Variants in RALGAPA2 observed in about 807,000 individuals in gnomAD.
The protein encoded by RALGAPA2 is ral GTPase-activating protein subunit alpha-2.
RALGAPA2 carries 139 observed loss-of-function variants against 230.4 expected under a neutral mutation model. The ratio of observed to expected loss-of-function variants is 0.60; its 90% confidence interval spans 0.53 to 0.69. The LOEUF is 0.69. Ranked by LOEUF, RALGAPA2 falls within the 30% of genes least tolerant of loss-of-function variation. The pLI, the probability that RALGAPA2 is intolerant of heterozygous loss-of-function variation, is 0.00. For synonymous variants in RALGAPA2, 847 were observed against 837.8 expected (o/e 1.01, Z -0.19); for missense variants, 2,163 against 2,276.0 (o/e 0.95, Z 1.01).
chr20:20,630,905 TC>T (rs1302148661), intron 9 of RALGAPA2, among the ~76,000 whole-genome samples: 1 of 151,518 alleles, frequency 6.6e-6, no homozygotes, highest in Non-Finnish European at 1.5e-5. Context: ...ACTCCCATTT[TC>T]CCCACAAACT....
intron 37 of RALGAPA2, among the ~76,000 whole-genome samples, chr20:20,415,322 CA>C: frequency 6.6e-6 from 1 of 152,344 alleles, no homozygotes; most frequent in African/African-American, 2.4e-5. Flanking sequence ...CTGAAAGAGG[CA>C]CCAGGTCACC....
chr20:20,628,956 C>T (rs2066580374), intron 10 of RALGAPA2, among the ~76,000 whole-genome samples: 1 of 152,172 alleles, frequency 6.6e-6, no homozygotes, highest in Non-Finnish European at 1.5e-5. Context: ...TTGCAGAAAC[C>T]TCCAGCTCCT....
chr20:20,654,595 A>G (rs1274385228), intron 3 of RALGAPA2, among the ~76,000 whole-genome samples: 1 of 152,230 alleles, frequency 6.6e-6, no homozygotes, highest in African/African-American at 2.4e-5. Flanking sequence ...AAGGCTGAAT[A>G]GTATTTCACT....
intron 16 of RALGAPA2, among the ~76,000 whole-genome samples, chr20:20,597,879 C>T (rs2065508850): frequency 6.6e-6 from 1 of 152,014 alleles, no homozygotes. Context: ...TACTAATCTA[C>T]AACGCCAAAT....
rs570110268 is a variant in RALGAPA2, at chr20:20,565,232, A to T, written c.3156+6226T>A. 3.1e-4 allele frequency among the ~76,000 whole-genome samples: 47 copies of T among 152,334 alleles called. 2 individuals carry two copies. The highest frequency in any genetic ancestry group is 2.9e-3 in the Admixed American group (45 of 15,294). On this transcript the variant is annotated intron_variant, in intron 23 of 39. Transcript: ENST00000202677. ...AATTCTTTACCTTTCCTGGAACTGAATACTCACTTATGTTTCACCTTAAAT... is the reference window on the plus strand; with the variant it reads ...AATTCTTTACCTTTCCTGGAACTGATTACTCACTTATGTTTCACCTTAAAT...
rs1418596180 is a variant in RALGAPA2, at chr20:20,531,819, G to A, written c.3474-24C>T. 4.0e-6 allele frequency: 6 copies of A among 1,513,088 alleles called. No homozygotes were observed. In the African/African-American group the frequency reaches 6.9e-5, roughly 17 times the overall value. The allele number at this position is 1,513,088 out of a possible 1,614,324, so 93.7% of individuals were successfully genotyped here. On this transcript the variant is annotated intron_variant, in intron 26 of 39. Coordinates refer to ENST00000202677, the MANE Select transcript of RALGAPA2 (RefSeq NM_020343.4). The stretch of plus-strand genomic sequence containing the variant: ...ATCTTTTTAAAAAGAAGAAAACAGA[G>A]GAAAACTCTCATGAAACTTAATATA...
chr20:20,465,535 A>G (rs2123326771), intron 37 of RALGAPA2, among the ~76,000 whole-genome samples: 1 of 152,264 alleles, frequency 6.6e-6, no homozygotes, highest in South Asian at 2.1e-4. Context: ...AGAGAGAAAG[A>G]AGGAAGAATG....
intron 37 of RALGAPA2, among the ~76,000 whole-genome samples, chr20:20,469,836 A>G (rs2061499969): frequency 6.6e-6 from 1 of 152,206 alleles, no homozygotes. Context: ...GCACAGGAAT[A>G]GGCTCTTTGA....
intron 37 of RALGAPA2, among the ~76,000 whole-genome samples, chr20:20,469,211 C>T (rs988693406): frequency 6.6e-6 from 1 of 152,076 alleles, no homozygotes; most frequent in Non-Finnish European, 1.5e-5. Flanking sequence ...CACATGGTAC[C>T]ATTTGACTTA....
At chr20:20,451,236 G>T (rs1308293544) in intron 37 of RALGAPA2, among the ~76,000 whole-genome samples, 7 of 152,138 alleles carry the variant, frequency 4.6e-5, no homozygotes, top group Non-Finnish European at 1.0e-4. Context: ...CATTTTCAGA[G>T]AATAGAATGC....
At chr20:20,434,678 G>A (rs1436499183) in intron 37 of RALGAPA2, among the ~76,000 whole-genome samples, 4 of 152,252 alleles carry the variant, frequency 2.6e-5, no homozygotes, top group Admixed American at 1.3e-4. Flanking sequence ...GCTCATGCAT[G>A]TAATCCCAGC....
intron 23 of RALGAPA2, among the ~76,000 whole-genome samples, chr20:20,571,198 G>A (rs1245693812): frequency 1.3e-5 from 2 of 152,154 alleles, no homozygotes; most frequent in Non-Finnish European, 2.9e-5. Flanking sequence ...ACAGGCAGAG[G>A]TTAGATCATA....
intron 1 of RALGAPA2, among the ~76,000 whole-genome samples, chr20:20,697,296 C>CT (rs752243604): frequency 4.5e-4 from 69 of 152,180 alleles, no homozygotes; most frequent in Admixed American, 3.4e-3. Context: ...CACCACTGCA[C>CT]TCCAGCCTGG....
Position 20,442,194 on chromosome 20 carries a change from C to A in RALGAPA2, c.5496-30046G>T, listed in dbSNP as rs1261976294. On this transcript the variant is annotated intron_variant, in intron 37 of 39. Transcript: ENST00000202677. Reference sequence around the variant, plus strand: ...CTTCTCTCTGTGCTTTCGCTTCTTTCTTGCAAAATGGGACAACAACCCTAC... The same window carrying A: ...CTTCTCTCTGTGCTTTCGCTTCTTTATTGCAAAATGGGACAACAACCCTAC... Among the ~76,000 whole-genome samples the A allele has an allele frequency of 2.0e-5, 3 of 152,214 alleles. No homozygotes were observed. In the East Asian group the frequency reaches 5.8e-4, roughly 29 times the overall value.
chr20:20,450,562 C>T (rs920144262), intron 37 of RALGAPA2, among the ~76,000 whole-genome samples: 59 of 152,216 alleles, frequency 3.9e-4, no homozygotes, highest in Non-Finnish European at 8.1e-4. Context: ...AAACAGCAGG[C>T]GGCCATAGAG....
At chr20:20,422,577 A>C (rs929133794) in intron 37 of RALGAPA2, among the ~76,000 whole-genome samples, 13 of 152,190 alleles carry the variant, frequency 8.5e-5, no homozygotes, top group African/African-American at 3.1e-4. Context: ...TCTCAAAAAA[A>C]AAATGCCCCC....
intron 5 of RALGAPA2, among the ~76,000 whole-genome samples, chr20:20,642,786 G>A (rs2067085987): frequency 6.6e-6 from 1 of 151,930 alleles, no homozygotes; most frequent in Non-Finnish European, 1.5e-5. Context: ...AACATATCAA[G>A]TTTTCAGAGG....
intron 33 of RALGAPA2, among the ~76,000 whole-genome samples, chr20:20,506,009 G>T (rs1288695326): frequency 6.6e-6 from 1 of 152,138 alleles, no homozygotes; most frequent in East Asian, 1.9e-4. Context: ...AGGCTACTGG[G>T]TGGCTCTGTG....
chr20:20,575,477 C>G (rs1425164735), intron 20 of RALGAPA2, among the ~76,000 whole-genome samples: 2 of 151,810 alleles, frequency 1.3e-5, no homozygotes, highest in Non-Finnish European at 2.9e-5. Flanking sequence ...TCCTTTAATC[C>G]CTCTGTTTTC....
Sources: allele counts gnomAD v4.1 joint callset (sites outside exome capture counted in the v4.1 genomes callset), GRCh38; gene constraint gnomAD v4.1.1; transcripts MANE v1.5; gene names NCBI Gene and HGNC (gene_info 2026-07-23, HGNC 2026-07-21).